The following DRC3 variants were observed in gnomAD, a reference collection of about 807,000 sequenced individuals.
DRC3 encodes dynein regulatory complex subunit 3, also known as leucine rich repeat containing 48.
A neutral mutation model predicts 57.6 loss-of-function variants in DRC3; 45 were observed. That is an observed-to-expected ratio of 0.78 (90% confidence interval 0.62 to 1.00). The LOEUF is 1.00. DRC3 is among the 50% of genes least tolerant of loss of function. The pLI is 0.00. For synonymous variants in DRC3, 257 were observed against 272.3 expected, an observed-to-expected ratio of 0.94 and a Z score of 0.55; for missense variants, 655 against 675.2, an observed-to-expected ratio of 0.97 and a Z score of 0.33.
intron 9 of DRC3, among the ~76,000 whole-genome samples, chr17:18,002,469 G>C (rs578035409): frequency 6.6e-6 from 1 of 152,268 alleles, no homozygotes; most frequent in East Asian, 1.9e-4. Flanking sequence ...TTGGACCCCA[G>C]GTTGCCATAT....
At chr17:17,978,380 C>T (rs948298300) in intron 3 of DRC3, among the ~76,000 whole-genome samples, 15 of 152,154 alleles carry the variant, frequency 9.9e-5, no homozygotes, top group Non-Finnish European at 2.2e-4. Context: ...AGCACGTGCA[C>T]AGTGCCTGGC....
At chr17:17,990,299 G>T (rs1042206083) in intron 5 of DRC3, among the ~76,000 whole-genome samples, 2 of 152,244 alleles carry the variant, frequency 1.3e-5, no homozygotes, top group Non-Finnish European at 2.9e-5. Flanking sequence ...CACAGAGGTG[G>T]TGGAGTCTCA....
At position 17,997,494 on chromosome 17, in the gene DRC3, A is replaced by G. The variant is rs1172093403; in HGVS notation, c.859A>G (p.Ile287Val). ...CAAGTTTGTCATCATCTGCGTGAAT[A>G]TTTTTGAGTATGGCCTGAAACAGCA... ...KDKFVIICVNIFEYGLKQQEK... is the reference protein window; with the variant it reads ...KDKFVIICVNVFEYGLKQQEK... The change falls in exon 9 of 14, where the codon ATT (isoleucine) becomes GTT (valine). Residue 287 changes from isoleucine (I) to valine (V), a missense_variant. Transcript: ENST00000399187. The G allele has an allele frequency of 1.9e-6, 3 of 1,613,218 alleles. No individual in the cohort carries two copies. The highest frequency in any genetic ancestry group is 2.7e-5 in the African/African-American group (2 of 74,908).
chr17:17,991,344 G>A (rs1315996428), intron 5 of DRC3, among the ~76,000 whole-genome samples: 6 of 119,130 alleles, frequency 5.0e-5, no homozygotes, highest in Non-Finnish European at 9.5e-5. Flanking sequence ...AGGCTGTAGT[G>A]CAGTGGTGCA....
chr17:18,013,382 T>C (rs1378036638), intron 12 of DRC3, among the ~76,000 whole-genome samples: 1 of 152,148 alleles, frequency 6.6e-6, no homozygotes, highest in Non-Finnish European at 1.5e-5. Context: ...AATAACAAGA[T>C]ACAGAATCAA....
In DRC3 at chr17:18,016,148, G is replaced by A; in HGVS notation, c.1411G>A (p.Glu471Lys). The change falls in exon 13 of 14, where the codon GAG becomes AAG. Residue 471 changes from glutamate to lysine, a missense_variant. By Grantham distance (56) the Glu-to-Lys change is moderately conservative (BLOSUM62 1). Transcript: ENST00000399187. ...HLLKIDNRED[E>K]LVTRINSWCT... ...CCTGAAGATTGACAATCGAGAAGAT[G>A]AGCTGGTGACCAGAATCAACTCTTG... 10 of 1,613,988 alleles carry A rather than the reference G, an allele frequency of 6.2e-6. No individual in the cohort carries two copies. Among genetic ancestry groups the A allele is most frequent in the Non-Finnish European group, 8.5e-6 (10 of 1,179,874 alleles).
chr17:17,983,309 G>A (rs1442937617), intron 3 of DRC3, among the ~76,000 whole-genome samples: 2 of 152,218 alleles, frequency 1.3e-5, no homozygotes, highest in African/African-American at 4.8e-5. Flanking sequence ...ATTCCATGTA[G>A]AGAAATTATA....
chr17:17,995,827 G>C (rs2043433641), intron 8 of DRC3: 1 of 152,628 alleles, frequency 6.6e-6, no homozygotes, highest in Non-Finnish European at 1.5e-5. Context: ...TTCTGGGCCT[G>C]TGAGGTGGCT....
intron 5 of DRC3, among the ~76,000 whole-genome samples, chr17:17,992,167 C>T (rs867601341): frequency 8.6e-5 from 13 of 151,880 alleles, no homozygotes; most frequent in Non-Finnish European, 1.8e-4. Flanking sequence ...CCCAGCTACT[C>T]GGGAGGCTGA....
chr17:17,975,240 T>G (rs2042326663), intron 2 of DRC3, among the ~76,000 whole-genome samples: 1 of 149,204 alleles, frequency 6.7e-6, no homozygotes. Flanking sequence ...TGATGGAGTC[T>G]CGCTCTATCA....
chr17:17,978,966 TGAA>T (rs913851216), intron 3 of DRC3, among the ~76,000 whole-genome samples: 7 of 151,960 alleles, frequency 4.6e-5, no homozygotes, highest in Non-Finnish European at 8.8e-5. Context: ...TTAAATAAAA[TGAA>T]GAAGGAAAAT....
At position 17,979,479 on chromosome 17, in the gene DRC3, G is replaced by A. The variant is rs150970851; in HGVS notation, c.160+1721G>A. ...GTGAGTGATGACCACAGGCCTGGCC[G>A]AGGTGGTGGCCACAGGGGCAGATTT... On this transcript the variant is annotated intron_variant, in intron 3 of 13. Coordinates refer to ENST00000399187, the MANE Select transcript of DRC3 (RefSeq NM_031294.4). 2.6e-4 allele frequency among the ~76,000 whole-genome samples: 39 copies of A among 152,360 alleles called. No homozygotes were observed. The East Asian group carries it at 6.4e-3, about 25-fold the overall frequency.
chr17:18,006,015 G>C (rs2043936126), intron 10 of DRC3, 168 bp from the exon 11 acceptor site: 1 of 621,764 alleles, frequency 1.6e-6, no homozygotes, highest in Non-Finnish European at 2.9e-6. Context: ...ACTTTAGAGA[G>C]AGCAGAGGGG....
intron 2 of DRC3, among the ~76,000 whole-genome samples, chr17:17,975,140 T>C (rs1280426985): frequency 6.6e-6 from 1 of 151,962 alleles, no homozygotes; most frequent in Non-Finnish European, 1.5e-5. Context: ...CAGGCCCTGA[T>C]GAAGTAGGAG....
rs913636643 is a variant in DRC3 at position 18,008,841 on chromosome 17, G to A, written c.1326+1694G>A. On this transcript the variant is annotated intron_variant, in intron 12 of 13. Coordinates refer to ENST00000399187, the MANE Select transcript of DRC3 (RefSeq NM_031294.4). The surrounding 1 kb of genome is among the most constrained non-coding windows in gnomAD (Gnocchi z 4.3). ...AGATCCCTCCCAGCACAGCTCCCATGTCTGTGACACCCAGAAGGCACAGGA... is the reference window on the plus strand; with the variant it reads ...AGATCCCTCCCAGCACAGCTCCCATATCTGTGACACCCAGAAGGCACAGGA... 1.3e-5 allele frequency among the ~76,000 whole-genome samples: 2 copies of A among 152,212 alleles called. No homozygotes were observed. The highest frequency in any genetic ancestry group is 2.9e-5 in the Non-Finnish European group (2 of 68,042).
At chr17:18,014,132 C>A (rs962363499) in intron 12 of DRC3, among the ~76,000 whole-genome samples, 5 of 152,138 alleles carry the variant, frequency 3.3e-5, no homozygotes, top group Non-Finnish European at 7.3e-5. Context: ...ATTGGCCAGG[C>A]TGGTCTTGAA....
rs2043054126 is a variant in DRC3, at chr17:17,988,224, A to C, written c.444+126A>C. ...TCAGATCTTCTCATTTTCCTGGAAA[A>C]GCCAGGAATCTGGATTACTCCATGA... On this transcript the variant is annotated intron_variant, in intron 5 of 13. Coordinates refer to ENST00000399187, the MANE Select transcript of DRC3 (RefSeq NM_031294.4). The C allele has an allele frequency of 8.5e-6, 9 of 1,063,384 alleles. No individual in the cohort carries two copies. The South Asian group carries it at 1.3e-4, about 16-fold the overall frequency. 65.9% of individuals were successfully genotyped at this position (1,063,384 alleles called of 1,614,324 possible).
intron 5 of DRC3, among the ~76,000 whole-genome samples, chr17:17,991,021 CA>C (rs2043201762): frequency 6.6e-6 from 1 of 152,006 alleles, no homozygotes. Flanking sequence ...AAAAAGAAAA[CA>C]TTTTTCCCCC....
Position 18,008,779 on chromosome 17 carries a change from T to C in DRC3, c.1326+1632T>C, listed in dbSNP as rs990907053. Reference sequence around the variant, plus strand: ...GTAAGGCTGTCCCTGAGTGCCCAGTTTGGAATTCCCCAGACAGACCATCTT... The same window carrying C: ...GTAAGGCTGTCCCTGAGTGCCCAGTCTGGAATTCCCCAGACAGACCATCTT... On this transcript the variant is annotated intron_variant, in intron 12 of 13. Coordinates refer to ENST00000399187, the MANE Select transcript of DRC3 (RefSeq NM_031294.4). The surrounding 1 kb of genome is among the most constrained non-coding windows in gnomAD (Gnocchi z 4.3). Among the ~76,000 whole-genome samples the C allele has an allele frequency of 2.0e-5, 3 of 152,214 alleles. No homozygotes were observed. The highest frequency in any genetic ancestry group is 4.8e-5 in the African/African-American group (2 of 41,458).
Sources: gnomAD v4.1 joint callset for allele counts (sites outside exome capture counted in the v4.1 genomes callset) on GRCh38, gnomAD v4.1.1 for gene constraint, Gnocchi (gnomAD v3.1) non-coding constraint, MANE v1.5 for transcripts, NCBI Gene and HGNC (gene_info 2026-07-23, HGNC 2026-07-21) for gene names.